Variants in LOXHD1 observed in about 807,000 individuals in gnomAD.
LOXHD1 encodes the protein lipoxygenase homology PLAT domains 1, also known as lipoxygenase homology domain-containing protein 1.
In LOXHD1, 205 loss-of-function variants were observed where a neutral mutation model predicts 248.2. The observed-to-expected ratio is 0.83, with a 90% CI of 0.74 to 0.93. The LOEUF is 0.93. LOXHD1 is among the 40% of genes least tolerant of loss of function. LOXHD1 has a pLI of 0.00. For missense variants in LOXHD1, 2,930 were observed against 2,971.6 expected, an observed-to-expected ratio of 0.99 and a Z score of 0.33; for synonymous variants, 1,113 against 1,162.8, an observed-to-expected ratio of 0.96 and a Z score of 0.87.
rs776112233 is a variant in LOXHD1, at chr18:46,477,578, A to G, written c.6716T>C (p.Val2239Ala). 2.5e-5 allele frequency: 39 copies of G among 1,551,458 alleles called. No homozygotes were observed. The highest frequency in any genetic ancestry group is 3.2e-5 in the Non-Finnish European group (37 of 1,146,994). The change falls in exon 41 of 41, where the codon GTC (valine) becomes GCC (alanine). Residue 2239 changes from valine to alanine, a missense_variant. By Grantham distance (64) the Val-to-Ala change is moderately conservative. Transcript: ENST00000642948. Reference sequence around the variant, plus strand: ...GGCCACGCCGGTGCTGGTGTTGGTGACCTCCACCTTCTCCACCAGCCAGCC... The same window carrying G: ...GGCCACGCCGGTGCTGGTGTTGGTGGCCTCCACCTTCTCCACCAGCCAGCC... The part of the protein sequence containing the change: ...CSGWLVEKVE[V>A]TNTSTGVATI...
At chr18:46,489,281 T>C in intron 37 of LOXHD1, 139 bp from the exon 38 acceptor site, 1 of 886,144 alleles carries the variant, frequency 1.1e-6, no homozygotes, top group African/African-American at 1.7e-5. Context: ...TCCTTGTTGA[T>C]AAAGTGAGGG....
chr18:46,544,705 G>A (rs1358466180), intron 23 of LOXHD1: 1 of 407,130 alleles, frequency 2.5e-6, no homozygotes, highest in East Asian at 7.2e-5. Flanking sequence ...ATGGTGGAGT[G>A]GAGGTTTGAA....
chr18:46,516,476 A>C (rs576541305), intron 34 of LOXHD1, among the ~76,000 whole-genome samples: 41 of 152,354 alleles, frequency 2.7e-4, no homozygotes, highest in African/African-American at 9.6e-4. Flanking sequence ...CATAGGGCCC[A>C]TAGGATGGGC....
In LOXHD1 at chr18:46,507,933, C is replaced by T. The variant is rs73429150; in HGVS notation, c.5518-221G>A. On this transcript the variant is annotated intron_variant, in intron 35 of 40. Transcript: ENST00000642948. ...GATTTGAAGTCCTTACGAGGACTGC[C>T]CTAGCTTGGGATTTGGGAATGGGCA... Among the ~76,000 whole-genome samples the T allele has an allele frequency of 1.0e-2, 1,516 of 152,246 alleles. 22 individuals carry two copies. The highest frequency in any genetic ancestry group is 0.035 in the African/African-American group (1,450 of 41,540).
At chr18:46,600,347 C>T (rs2038315706) in intron 8 of LOXHD1, among the ~76,000 whole-genome samples, 1 of 152,106 alleles carries the variant, frequency 6.6e-6, no homozygotes, top group South Asian at 2.1e-4. Context: ...TCCTATAATC[C>T]CAGCACTTTG....
chr18:46,579,512 T>A (rs1906052664), intron 13 of LOXHD1, 118 bp downstream of exon 13: 1 of 1,374,252 alleles, frequency 7.3e-7, no homozygotes, highest in Non-Finnish European at 1.0e-6. Context: ...GTGAGGCTCC[T>A]GATGGCTGAG....
chr18:46,493,805 C>A (rs376048234), intron 37 of LOXHD1, among the ~76,000 whole-genome samples: 1 of 152,318 alleles, frequency 6.6e-6, no homozygotes, highest in South Asian at 2.1e-4. Context: ...TCTCTGCCTG[C>A]GGTTCCCCAG....
At chr18:46,492,306 C>T (rs1273708806) in intron 37 of LOXHD1, among the ~76,000 whole-genome samples, 7 of 152,168 alleles carry the variant, frequency 4.6e-5, no homozygotes, top group Non-Finnish European at 8.8e-5. Flanking sequence ...TGAAGAAATA[C>T]CCAAGACTGG....
chr18:46,544,849 AT>A (rs1365300322), intron 23 of LOXHD1: 1 of 471,764 alleles, frequency 2.1e-6, no homozygotes, highest in Non-Finnish European at 4.4e-6. Flanking sequence ...GACCTGCAGG[AT>A]TTTGAGCAAA....
At position 46,626,289 on chromosome 18, in the gene LOXHD1, T is replaced by A. The variant is rs534095289; in HGVS notation, c.512-7999A>T. Among the ~76,000 whole-genome samples the A allele has an allele frequency of 1.1e-3, 168 of 152,330 alleles. 1 individual carries two copies. The highest frequency in any genetic ancestry group is 3.8e-3 in the African/African-American group (158 of 41,572). On this transcript the variant is annotated intron_variant, in intron 4 of 40. Coordinates refer to ENST00000642948, the MANE Select transcript of LOXHD1 (RefSeq NM_001384474.1). ...AAGATGGGCCAGGCACAGTGACTCATGCCTGTAATCCCAACACTTTGGGAT... is the reference window on the plus strand; with the variant it reads ...AAGATGGGCCAGGCACAGTGACTCAAGCCTGTAATCCCAACACTTTGGGAT...
chr18:46,638,647 CAAATA>C (rs1169777205), intron 4 of LOXHD1, among the ~76,000 whole-genome samples: 1 of 151,938 alleles, frequency 6.6e-6, no homozygotes. Context: ...AATAAATAAA[CAAATA>C]AAATAAAAAT....
intron 40 of LOXHD1, among the ~76,000 whole-genome samples, chr18:46,479,451 A>C (rs1043418833): frequency 5.9e-5 from 9 of 151,988 alleles, no homozygotes; most frequent in African/African-American, 2.2e-4. Flanking sequence ...TAAAGGAAAA[A>C]GCCAGACAGC....
intron 33 of LOXHD1, among the ~76,000 whole-genome samples, chr18:46,519,508 T>C (rs2035457517): frequency 1.3e-5 from 2 of 152,144 alleles, no homozygotes; most frequent in East Asian, 3.9e-4. Context: ...TCAGGACATG[T>C]TTGCTGAGGG....
intron 25 of LOXHD1, among the ~76,000 whole-genome samples, chr18:46,538,597 A>G (rs2036423295): frequency 6.6e-6 from 1 of 152,144 alleles, no homozygotes. Context: ...GCCAGAGCAC[A>G]TGTAGCAGAC....
At chr18:46,582,605 A>G (rs933777939) in intron 12 of LOXHD1, among the ~76,000 whole-genome samples, 1 of 152,240 alleles carries the variant, frequency 6.6e-6, no homozygotes, top group Non-Finnish European at 1.5e-5. Flanking sequence ...TAATTGCATT[A>G]AATGTATTAC....
chr18:46,558,956 G>T, intron 20 of LOXHD1: 1 of 408,066 alleles, frequency 2.5e-6, no homozygotes. Flanking sequence ...AGCTCAGCTG[G>T]AAGACACACT....
intron 28 of LOXHD1, 70 bp downstream of exon 28, chr18:46,533,092 G>T (rs2036145753): frequency 1.3e-6 from 2 of 1,498,860 alleles, no homozygotes; most frequent in African/African-American, 1.4e-5. Context: ...CCTGGCACAG[G>T]GCATGTGCTC....
chr18:46,603,009 T>C (rs2038361540), intron 7 of LOXHD1, among the ~76,000 whole-genome samples: 1 of 152,166 alleles, frequency 6.6e-6, no homozygotes, highest in Non-Finnish European at 1.5e-5. Context: ...GTAGATGACT[T>C]GTGCCACACC....
chr18:46,495,597 A>G (rs1332117883), intron 37 of LOXHD1, among the ~76,000 whole-genome samples: 2 of 152,200 alleles, frequency 1.3e-5, no homozygotes, highest in Non-Finnish European at 2.9e-5. Context: ...TTCATATTAC[A>G]TCAATAAACG....
Sources: gnomAD v4.1 joint callset for allele counts (sites outside exome capture counted in the v4.1 genomes callset) on GRCh38, gnomAD v4.1.1 for gene constraint, MANE v1.5 for transcripts, NCBI Gene and HGNC (gene_info 2026-07-23, HGNC 2026-07-21) for gene names.